Variants in PHKG1 observed in about 807,000 individuals in gnomAD.
PHKG1 encodes the protein phosphorylase b kinase gamma catalytic chain, skeletal muscle/heart isoform.
Under a neutral mutation model 50.5 loss-of-function variants are expected in PHKG1, and 48 were observed. The ratio of observed to expected loss-of-function variants is 0.95; its 90% CI spans 0.75 to 1.21. The LOEUF (loss-of-function observed/expected upper bound fraction) is 1.21, where lower values mean the gene tolerates loss of function less well. PHKG1 is among the 50% of genes most tolerant of loss of function. The pLI is 0.00. For missense variants in PHKG1, 487 were observed against 519.5 expected (o/e 0.94, Z 0.61); for synonymous variants, 204 against 212.8 (o/e 0.96, Z 0.36).
rs1335750573 is a variant in PHKG1 at position 56,080,920 on chromosome 7, T to G, written c.*134A>C. Reference sequence around the variant, plus strand: ...CAGCCTTTGAGAGGGGATCGTGGCCTCAGTTCCAGGGGTTCCTGGCCAGGG... The same window carrying G: ...CAGCCTTTGAGAGGGGATCGTGGCCGCAGTTCCAGGGGTTCCTGGCCAGGG... On this transcript the variant is annotated 3_prime_UTR_variant, in exon 10 of 10. Coordinates refer to ENST00000297373, the MANE Select transcript of PHKG1 (RefSeq NM_006213.5). The G allele has an allele frequency of 9.6e-7, 1 of 1,045,144 alleles. No homozygotes were observed. The highest frequency in any genetic ancestry group is 1.4e-6 in the Non-Finnish European group (1 of 732,414). The allele number at this position is 1,045,144 out of a possible 1,614,324, so 64.7% of individuals were successfully genotyped here.
rs1796315279 is a variant in PHKG1 at position 56,087,651 on chromosome 7, G to C, written c.209C>G (p.Ala70Gly). Residue 70 changes from alanine to glycine, a missense_variant, in exon 3 of 10, where the codon GCC becomes GGC. Coordinates refer to ENST00000297373, the MANE Select transcript of PHKG1 (RefSeq NM_006213.5). ...CAGGATGTCCACCTCCTTCAGCGTG[G>C]CTTCTCGCAGCTCCCGCACCTCCTC... ...SPEEVRELRE[A>G]TLKEVDILRK... 1 of 1,613,926 alleles carries C rather than the reference G, an allele frequency of 6.2e-7. No individual in the cohort carries two copies. Among genetic ancestry groups the C allele is most frequent in the Non-Finnish European group, 8.5e-7 (1 of 1,180,008 alleles).
At chr7:56,084,345 A>G (rs1376103624) in intron 4 of PHKG1, 2 of 624,778 alleles carry the variant, frequency 3.2e-6, no homozygotes, top group African/African-American at 3.8e-5. Context: ...CCCCAGACCC[A>G]GATCAGAAGG....
chr7:56,081,031 G>A lies in PHKG1; in HGVS notation c.*23C>T. 1 of 1,596,428 alleles carries A rather than the reference G, an allele frequency of 6.3e-7. No individual in the cohort carries two copies. Among genetic ancestry groups the A allele is most frequent in the East Asian group, 2.2e-5 (1 of 44,794 alleles). ...GCTTCCCCTCCCCACCTGCCCCCTA[G>A]CCCTCCCTGACTGGCCAGCCCCTCA... On this transcript the variant is annotated 3_prime_UTR_variant, in exon 10 of 10. Transcript: ENST00000297373. This position sits in a 1 kb window ranked among gnomAD's most constrained non-coding sequence, Gnocchi z 4.6.
intron 4 of PHKG1, among the ~76,000 whole-genome samples, chr7:56,085,558 C>A (rs1796216057): frequency 1.3e-5 from 2 of 152,116 alleles, no homozygotes; most frequent in African/African-American, 2.4e-5. Flanking sequence ...GATCTTTGGA[C>A]CACACCCCAG....
At chr7:56,085,032 C>T (rs902886460) in intron 4 of PHKG1, among the ~76,000 whole-genome samples, 6 of 152,168 alleles carry the variant, frequency 3.9e-5, no homozygotes, top group African/African-American at 7.2e-5. Context: ...ACGATCTCAG[C>T]TAACTGCAAC....
intron 3 of PHKG1, 59 bp from the exon 4 acceptor site, chr7:56,087,083 G>A (rs890261722): frequency 2.4e-5 from 31 of 1,308,150 alleles, no homozygotes; most frequent in Admixed American, 1.2e-4. Context: ...AGGGGCAGCC[G>A]GGGCACGGGG....
At position 56,081,843 on chromosome 7, in the gene PHKG1, GC is replaced by G; in HGVS notation, c.792+49del. 6.2e-7 allele frequency: 1 copy of G among 1,609,178 alleles called. No homozygotes were observed. Among genetic ancestry groups the G allele is most frequent in the Non-Finnish European group, 8.5e-7 (1 of 1,177,458 alleles). ...AGGCAGGGCCTCCCCGGGCAGGGGC[GC>G]CTGGCATCGCAGCCCTGAGCCCAGG... is the stretch of plus-strand genomic sequence containing the variant. On this transcript the variant is annotated intron_variant, in intron 8 of 9. Transcript: ENST00000297373. This position sits in a 1 kb window ranked among gnomAD's most constrained non-coding sequence, Gnocchi z 4.6.
rs1477026257 is a variant in PHKG1 at position 56,081,336 on chromosome 7, C to CGCCCTGCCAG, written c.919-47_919-38dup. On this transcript the variant is annotated intron_variant, in intron 9 of 9. Transcript: ENST00000297373. The surrounding 1 kb of genome is among the most constrained non-coding windows in gnomAD (Gnocchi z 4.6). ...GGCGGAGAAGCTGGGCTGCAGCCCC[C>CGCCCTGCCAG]GCCCTGCCAGGCCCTGCCCCTCCAG... The CGCCCTGCCAG allele has an allele frequency of 1.3e-6, 2 of 1,573,836 alleles. No individual in the cohort carries two copies. Among genetic ancestry groups the CGCCCTGCCAG allele is most frequent in the African/African-American group, 1.3e-5 (1 of 74,144 alleles).
At chr7:56,083,474 C>G in intron 5 of PHKG1, 33 bp from the exon 6 acceptor site, 5 of 1,611,384 alleles carry the variant, frequency 3.1e-6, no homozygotes, top group Non-Finnish European at 4.2e-6. Flanking sequence ...TACTCTTCCT[C>G]TGCTCAGGGT....
intron 6 of PHKG1, among the ~76,000 whole-genome samples, chr7:56,082,907 A>C (rs1049602893): frequency 1.3e-5 from 2 of 152,138 alleles, no homozygotes; most frequent in African/African-American, 2.4e-5. Flanking sequence ...GGAGTTCGAG[A>C]CCAGCCTGAC....
rs1219300800 is a variant in PHKG1 at position 56,081,234 on chromosome 7, C to G, written c.984G>C (p.Val328=). 1 of 1,613,478 alleles carries G rather than the reference C, an allele frequency of 6.2e-7. No homozygotes were observed. The highest frequency in any genetic ancestry group is 1.1e-5 in the South Asian group (1 of 91,076). Residue 328 remains valine, a synonymous_variant, in exon 10 of 10, where the codon GTG becomes GTC. Coordinates refer to ENST00000297373, the MANE Select transcript of PHKG1 (RefSeq NM_006213.5). This position sits in a 1 kb window ranked among gnomAD's most constrained non-coding sequence, Gnocchi z 4.6. ...IYYQYRRVKP[V]TREIVIRDPY... The stretch of plus-strand genomic sequence containing the variant: ...GGTCTCGGATGACGATCTCCCGGGT[C>G]ACAGGCTTCACCCGGCGGTACTGGT...
chr7:56,085,840 G>C (rs1584626595), intron 4 of PHKG1, among the ~76,000 whole-genome samples: 1 of 152,008 alleles, frequency 6.6e-6, no homozygotes, highest in African/African-American at 2.4e-5. Flanking sequence ...TGGGCATGGT[G>C]GTGGGTGCCT....
At chr7:56,085,929 G>T (rs925150902) in intron 4 of PHKG1, among the ~76,000 whole-genome samples, 3 of 147,602 alleles carry the variant, frequency 2.0e-5, no homozygotes, top group African/African-American at 7.6e-5. Flanking sequence ...AGCCGAGATC[G>T]CACCACTATA....
chr7:56,083,601 C>T lies in PHKG1; in HGVS notation c.383+49G>A, dbSNP rs200897233. ...TCCCCTGAGACCCCAGTGCCTGTGG[C>T]CCTAAGCCACGTGGGAGGGAGCGGA... On this transcript the variant is annotated intron_variant, in intron 5 of 9. Transcript: ENST00000297373. 4 of 1,533,742 alleles carry T rather than the reference C, an allele frequency of 2.6e-6. No individual in the cohort carries two copies. The East Asian group carries it at 9.3e-5, about 36-fold the overall frequency.
At chr7:56,090,751 G>A (rs1796464331) in intron 1 of PHKG1, among the ~76,000 whole-genome samples, 1 of 152,304 alleles carries the variant, frequency 6.6e-6, no homozygotes, top group African/African-American at 2.4e-5. Context: ...CTGGAAGAAT[G>A]CCCCATGTCC....
In PHKG1 at chr7:56,083,268, G is replaced by A. The variant is rs369952990; in HGVS notation, c.547+10C>T. ...AGGCCTGGACGTGGGCCAAGGCCAT[G>A]TTACCAGACCTCGCAGCCTCTCTCC... On this transcript the variant is annotated intron_variant, in intron 6 of 9. Transcript: ENST00000297373. 8.7e-6 allele frequency: 14 copies of A among 1,613,504 alleles called. No individual in the cohort carries two copies. In the African/African-American group the frequency reaches 1.9e-4, roughly 22 times the overall value.
In PHKG1 at chr7:56,081,104, C is replaced by T. The variant is rs769476293; in HGVS notation, c.1114G>A (p.Glu372Lys). 38 of 1,613,420 alleles carry T rather than the reference C, an allele frequency of 2.4e-5. No homozygotes were observed. In the East Asian group the frequency reaches 2.5e-4, roughly 10 times the overall value. The change falls in exon 10 of 10, where the codon GAG (glutamate) becomes AAG (lysine). Residue 372 changes from glutamate (E) to lysine (K), a missense_variant. Physicochemically the swap from Glu to Lys is moderately conservative, Grantham distance 56. Transcript: ENST00000297373. The surrounding 1 kb of genome is among the most constrained non-coding windows in gnomAD (Gnocchi z 4.6). ...AGGAGCACGGCCTTGGGTGTGTTCT[C>T]GAAAAGGGCTGCCCGGTTCTGCTGC... is the stretch of plus-strand genomic sequence containing the variant. ...GQQQNRAALF[E>K]NTPKAVLLSL... is the part of the protein sequence containing the mutation.
chr7:56,083,061 G>T, intron 6 of PHKG1: 4 of 476,974 alleles, frequency 8.4e-6, no homozygotes, highest in Non-Finnish European at 1.5e-5. Flanking sequence ...AGCCGAGATT[G>T]TGCCACTGCA....
chr7:56,086,205 A>G (rs1444538652), intron 4 of PHKG1, among the ~76,000 whole-genome samples: 1 of 151,690 alleles, frequency 6.6e-6, no homozygotes, highest in Non-Finnish European at 1.5e-5. Context: ...GTCTACAGTC[A>G]TCCCTCTTTA....
Sources: allele counts gnomAD v4.1 joint callset (sites outside exome capture counted in the v4.1 genomes callset), GRCh38; gene constraint gnomAD v4.1.1; non-coding constraint Gnocchi (gnomAD v3.1); transcripts MANE v1.5; gene names NCBI Gene and HGNC (gene_info 2026-07-23, HGNC 2026-07-21).